C1orf21: variants seen among roughly 807,000 people sequenced by gnomAD.
C1orf21 encodes chromosome 1 open reading frame 21.
A neutral mutation model predicts 18.7 loss-of-function variants in C1orf21; 3 were observed. That is an observed-to-expected ratio of 0.16 (90% CI 0.07 to 0.42). The LOEUF is 0.42. Among genes scored for constraint, C1orf21 ranks in the 10% least tolerant of loss-of-function variants. The probability of loss-of-function intolerance (pLI) is 0.99; values close to 1 mark genes in which losing one functional copy is unlikely to be tolerated. For synonymous variants in C1orf21, 41 were observed against 46.4 expected, an observed-to-expected ratio of 0.88 and a Z score of 0.47; for missense variants, 104 against 143.6, an observed-to-expected ratio of 0.72 and a Z score of 1.41.
intron 1 of C1orf21, among the ~76,000 whole-genome samples, chr1:184,450,870 T>TTTTG (rs1045358296): frequency 3.3e-5 from 5 of 152,070 alleles, no homozygotes; most frequent in East Asian, 1.9e-4. Context: ...AATTGTGTGT[T>TTTTG]TTTGTTTGTT....
intron 5 of C1orf21, among the ~76,000 whole-genome samples, chr1:184,601,909 A>T (rs9425337): frequency 0.012 from 1,825 of 152,170 alleles, 12 homozygotes; most frequent in Middle Eastern, 0.051. Context: ...TCAAAAAAAA[A>T]AATAATAAAA....
At chr1:184,559,526 C>CCTTCCTTCCTTA in intron 3 of C1orf21, among the ~76,000 whole-genome samples, 1 of 115,830 alleles carries the variant, frequency 8.6e-6, no homozygotes, top group African/African-American at 3.9e-5. Flanking sequence ...TTCCTTCCTT[C>CCTTCCTTCCTTA]CTTCCTTCCT....
At chr1:184,415,829 G>A (rs769536982) in intron 1 of C1orf21, among the ~76,000 whole-genome samples, 6 of 152,292 alleles carry the variant, frequency 3.9e-5, no homozygotes, top group South Asian at 2.1e-4. Flanking sequence ...CTGATTACCT[G>A]TTTTACAGGT....
intron 3 of C1orf21, among the ~76,000 whole-genome samples, chr1:184,514,937 TTC>T (rs1447390118): frequency 6.6e-6 from 1 of 152,202 alleles, no homozygotes; most frequent in Non-Finnish European, 1.5e-5. Flanking sequence ...TGTATAGTTA[TTC>T]ATAGATTAAA....
chr1:184,520,526 GCAGA>G (rs1258458247), intron 3 of C1orf21, among the ~76,000 whole-genome samples: 1 of 152,150 alleles, frequency 6.6e-6, no homozygotes, highest in Non-Finnish European at 1.5e-5. Context: ...AACGCCAACT[GCAGA>G]CAAAGAGAAC....
At chr1:184,413,311 G>T (rs1467941138) in intron 1 of C1orf21, among the ~76,000 whole-genome samples, 1 of 152,202 alleles carries the variant, frequency 6.6e-6, no homozygotes, top group East Asian at 1.9e-4. Flanking sequence ...ATCAAACCTA[G>T]AGGTGAAGCT....
intron 2 of C1orf21, among the ~76,000 whole-genome samples, chr1:184,488,977 A>G (rs1016723109): frequency 1.3e-5 from 2 of 152,180 alleles, no homozygotes; most frequent in Non-Finnish European, 2.9e-5. Flanking sequence ...GAAAAAGAAA[A>G]GAAAAGAAAC....
intron 1 of C1orf21, among the ~76,000 whole-genome samples, chr1:184,420,223 A>G (rs1197814459): frequency 6.7e-6 from 1 of 149,644 alleles, no homozygotes; most frequent in Non-Finnish European, 1.5e-5. Flanking sequence ...TGCTGGTCTC[A>G]TTTTTTTTTA....
chr1:184,581,565 T>TAA lies in C1orf21; in HGVS notation c.190-9173_190-9172dup, dbSNP rs906988404. ...TTCGTTGATTTTCTGTGTGTGTATATAATACTTATTTGAAAAACTTGGAGA... is the reference window on the plus strand; with the variant it reads ...TTCGTTGATTTTCTGTGTGTGTATATAAAATACTTATTTGAAAAACTTGGAGA... On this transcript the variant is annotated intron_variant, in intron 3 of 5. Transcript: ENST00000235307. Among the ~76,000 whole-genome samples the TAA allele has an allele frequency of 5.7e-4, 87 of 152,330 alleles. 1 individual carries two copies. The highest frequency in any genetic ancestry group is 2.0e-3 in the African/African-American group (85 of 41,564).
intron 3 of C1orf21, among the ~76,000 whole-genome samples, chr1:184,584,326 G>C (rs1659324797): frequency 6.6e-6 from 1 of 151,864 alleles, no homozygotes; most frequent in African/African-American, 2.4e-5. Flanking sequence ...AATATAACAA[G>C]CCTTAAAAAA....
intron 3 of C1orf21, among the ~76,000 whole-genome samples, chr1:184,578,043 A>G (rs1379112254): frequency 4.5e-5 from 6 of 133,438 alleles, no homozygotes; most frequent in Non-Finnish European, 7.7e-5. Flanking sequence ...TGCAACCTCC[A>G]CCTCCGGGGT....
intron 1 of C1orf21, among the ~76,000 whole-genome samples, chr1:184,414,911 A>G (rs1656424467): frequency 6.6e-6 from 1 of 152,160 alleles, no homozygotes; most frequent in Non-Finnish European, 1.5e-5. Context: ...GGGGAAAGCA[A>G]GCCACCTTTG....
At chr1:184,501,470 G>T (rs545143573) in intron 2 of C1orf21, among the ~76,000 whole-genome samples, 62 of 152,186 alleles carry the variant, frequency 4.1e-4, no homozygotes, top group African/African-American at 1.4e-3. Flanking sequence ...TTGATTAGGG[G>T]TCTCTTCTTT....
chr1:184,546,526 C>T (rs530977218), intron 3 of C1orf21, among the ~76,000 whole-genome samples: 1 of 152,330 alleles, frequency 6.6e-6, no homozygotes, highest in East Asian at 1.9e-4. Flanking sequence ...GCCATGGTTA[C>T]TGCCCTAATG....
intron 1 of C1orf21, among the ~76,000 whole-genome samples, chr1:184,464,455 C>T (rs1388271342): frequency 6.6e-6 from 1 of 152,176 alleles, no homozygotes; most frequent in Non-Finnish European, 1.5e-5. Context: ...GCACATGCCA[C>T]CTGTGGCAGG....
intron 2 of C1orf21, among the ~76,000 whole-genome samples, chr1:184,504,530 G>A (rs1658024454): frequency 6.6e-6 from 1 of 152,206 alleles, no homozygotes; most frequent in African/African-American, 2.4e-5. Context: ...AGGCTGGTTG[G>A]TGAGGTAGGA....
chr1:184,530,874 A>G (rs1177435563), intron 3 of C1orf21, among the ~76,000 whole-genome samples: 2 of 152,072 alleles, frequency 1.3e-5, no homozygotes, highest in African/African-American at 4.8e-5. Context: ...TATTTGGGGC[A>G]ACAGTCTTGA....
At chr1:184,565,433 G>C (rs910180958) in intron 3 of C1orf21, among the ~76,000 whole-genome samples, 1 of 152,230 alleles carries the variant, frequency 6.6e-6, no homozygotes, top group Non-Finnish European at 1.5e-5. Flanking sequence ...AAGTGGCAGA[G>C]TCTAGCTTTT....
chr1:184,599,431 G>T (rs1453798849), intron 5 of C1orf21: 2 of 152,130 alleles, frequency 1.3e-5, no homozygotes, highest in Non-Finnish European at 2.9e-5. Flanking sequence ...TTTAGCAGCA[G>T]ATCCCACTTT....
Sources: allele counts gnomAD v4.1 joint callset (sites outside exome capture counted in the v4.1 genomes callset), GRCh38; gene constraint gnomAD v4.1.1; transcripts MANE v1.5; gene names NCBI Gene and HGNC (gene_info 2026-07-23, HGNC 2026-07-21).